The following SNX10 variants were observed in gnomAD, a reference collection of about 807,000 sequenced individuals.
SNX10 encodes sorting nexin 10.
SNX10 carries 25 observed loss-of-function variants against 28.5 expected under a neutral mutation model. The ratio of observed to expected loss-of-function variants is 0.88; its 90% confidence interval spans 0.64 to 1.22. SNX10 has a LOEUF of 1.22. Among genes scored for constraint, SNX10 ranks in the 50% most tolerant of loss-of-function variants. SNX10 has a pLI of 0.00. For synonymous variants in SNX10, 62 were observed against 81.4 expected, an observed-to-expected ratio of 0.76 and a Z score of 1.28; for missense variants, 223 against 242.6, an observed-to-expected ratio of 0.92 and a Z score of 0.54.
rs1168071267 is a variant in SNX10 at position 26,300,501 on chromosome 7, C to G, written c.-24+8415C>G. 3.9e-5 allele frequency among the ~76,000 whole-genome samples: 6 copies of G among 152,160 alleles called. 1 individual carries two copies. Among genetic ancestry groups the G allele is most frequent in the Admixed American group, 2.6e-4 (4 of 15,274 alleles). ...TGATTTGAAGTATTAACAGGGCCCT[C>G]CTGCCTAGAGCCTCCCAGCTGAACT... On this transcript the variant is annotated intron_variant, in intron 1 of 6. Transcript: ENST00000338523.
intron 1 of SNX10, among the ~76,000 whole-genome samples, chr7:26,322,190 T>G (rs545202751): frequency 1.3e-5 from 2 of 152,284 alleles, no homozygotes; most frequent in South Asian, 4.1e-4. Flanking sequence ...GATTCATACT[T>G]GAGAAGGGTT....
chr7:26,332,594 T>G (rs1015787061), intron 1 of SNX10, among the ~76,000 whole-genome samples: 6 of 152,318 alleles, frequency 3.9e-5, no homozygotes, highest in South Asian at 2.1e-4. Flanking sequence ...TACCTATTTT[T>G]TTGTTGTTGT....
intron 3 of SNX10, among the ~76,000 whole-genome samples, chr7:26,361,768 AAATG>A (rs1297943786): frequency 6.6e-6 from 1 of 152,254 alleles, no homozygotes; most frequent in Non-Finnish European, 1.5e-5. Context: ...GACAGTGCAT[AAATG>A]AATGAGCATA....
At chr7:26,299,840 T>C (rs79711632) in intron 1 of SNX10, among the ~76,000 whole-genome samples, 1 of 152,170 alleles carries the variant, frequency 6.6e-6, no homozygotes, top group African/African-American at 2.4e-5. Context: ...GGTGGGAGGA[T>C]TGCTTGAGCC....
At position 26,291,953 on chromosome 7, in the gene SNX10, C is replaced by A. The variant is rs1785935548; in HGVS notation, c.-157C>A. 1.3e-5 allele frequency: 2 copies of A among 150,308 alleles called. No homozygotes were observed. The highest frequency in any genetic ancestry group is 4.9e-5 in the African/African-American group (2 of 41,184). The allele number at this position is 150,308 out of a possible 1,614,324, so 9.3% of individuals were successfully genotyped here. ...GGGAGCGCGGGGAGCGCGGGGAGCG[C>A]GGGGCTGCGCTCGTGTGCGCTCCTG... On this transcript the variant is annotated 5_prime_UTR_variant, in exon 1 of 7. Coordinates refer to ENST00000338523, the MANE Select transcript of SNX10 (RefSeq NM_013322.3).
chr7:26,301,621 G>A (rs1786370033), intron 1 of SNX10, among the ~76,000 whole-genome samples: 1 of 152,160 alleles, frequency 6.6e-6, no homozygotes, highest in Non-Finnish European at 1.5e-5. Context: ...ATTTGGCATG[G>A]CATGTTTTAG....
chr7:26,302,541 C>G (rs10271591), intron 1 of SNX10, among the ~76,000 whole-genome samples: 1 of 152,190 alleles, frequency 6.6e-6, no homozygotes, highest in Non-Finnish European at 1.5e-5. Flanking sequence ...ACAGTACGCC[C>G]CAGCCTGGCC....
At chr7:26,293,088 A>G (rs1785986878) in intron 1 of SNX10, 1 of 152,288 alleles carries the variant, frequency 6.6e-6, no homozygotes, top group Non-Finnish European at 1.5e-5. Context: ...CTCCTCAGTG[A>G]GAGAATGGAG....
intron 1 of SNX10, among the ~76,000 whole-genome samples, chr7:26,338,214 T>C (rs1788015361): frequency 6.7e-6 from 1 of 148,272 alleles, no homozygotes; most frequent in Non-Finnish European, 1.5e-5. Context: ...CCTCCCTGGC[T>C]CAAGCAGCCC....
At position 26,291,891 on chromosome 7, in the gene SNX10, T is replaced by G. The variant is rs1036446946; in HGVS notation, c.-219T>G. The G allele has an allele frequency of 4.1e-5, 6 of 147,168 alleles. No homozygotes were observed. The highest frequency in any genetic ancestry group is 1.5e-4 in the African/African-American group (6 of 40,938). The allele number at this position is 147,168 out of a possible 1,614,324, so 9.1% of individuals were successfully genotyped here. A position where few individuals can be genotyped will look rare whatever the true frequency, so the allele number is the denominator to read the frequency against. Reference sequence around the variant, plus strand: ...GGCGCGGCGCCCACAGGCGGACGGCTGGCGCTGAGCGCGGGCGCGGGGCCG... The same window carrying G: ...GGCGCGGCGCCCACAGGCGGACGGCGGGCGCTGAGCGCGGGCGCGGGGCCG... On this transcript the variant is annotated 5_prime_UTR_variant, in exon 1 of 7. Coordinates refer to ENST00000338523, the MANE Select transcript of SNX10 (RefSeq NM_013322.3).
intron 2 of SNX10, among the ~76,000 whole-genome samples, chr7:26,355,218 C>T (rs1788772080): frequency 6.6e-6 from 1 of 152,152 alleles, no homozygotes; most frequent in South Asian, 2.1e-4. Context: ...TCTAGGACTC[C>T]ATTGTCTTGC....
At chr7:26,365,731 C>G (rs2128025142) in intron 5 of SNX10, among the ~76,000 whole-genome samples, 1 of 152,268 alleles carries the variant, frequency 6.6e-6, no homozygotes, top group South Asian at 2.1e-4. Context: ...TTTCCCTCCC[C>G]CAATCCACTC....
chr7:26,364,222 A>G lies in SNX10; in HGVS notation c.112-313A>G. On this transcript the variant is annotated intron_variant, in intron 3 of 6. Transcript: ENST00000338523. The surrounding 1 kb of genome is among the most constrained non-coding windows in gnomAD (Gnocchi z 4.9). Reference sequence around the variant, plus strand: ...TCCTACCTGTCATTTATATGTTAGGATTTATTTTTTATGATTTATTCTTGA... The same window carrying G: ...TCCTACCTGTCATTTATATGTTAGGGTTTATTTTTTATGATTTATTCTTGA... 1 of 587,684 alleles carries G rather than the reference A, an allele frequency of 1.7e-6. No individual in the cohort carries two copies. Among genetic ancestry groups the G allele is most frequent in the Non-Finnish European group, 2.2e-6 (1 of 455,282 alleles). The allele number at this position is 587,684 out of a possible 1,614,324, so 36.4% of individuals were successfully genotyped here.
intron 2 of SNX10, among the ~76,000 whole-genome samples, chr7:26,351,696 G>A (rs559774329): frequency 4.9e-5 from 6 of 121,370 alleles, no homozygotes; most frequent in African/African-American, 1.2e-4. Context: ...TCTCTCTGTC[G>A]CCCAGGCTGG....
At chr7:26,299,924 A>G (rs1487319849) in intron 1 of SNX10, among the ~76,000 whole-genome samples, 1 of 151,884 alleles carries the variant, frequency 6.6e-6, no homozygotes, top group Non-Finnish European at 1.5e-5. Context: ...TAAAAAGAAT[A>G]GAAAAGCCGG....
At chr7:26,316,222 G>A (rs559265748) in intron 1 of SNX10, among the ~76,000 whole-genome samples, 1 of 151,358 alleles carries the variant, frequency 6.6e-6, no homozygotes, top group African/African-American at 2.4e-5. Flanking sequence ...TAAAAAAAAT[G>A]GGATCTCATT....
Position 26,350,237 on chromosome 7 carries a change from A to G in SNX10, c.24+3771A>G, listed in dbSNP as rs573312136. On this transcript the variant is annotated intron_variant, in intron 2 of 6. Coordinates refer to ENST00000338523, the MANE Select transcript of SNX10 (RefSeq NM_013322.3). ...AACTCCAGTTATTGACACCTTAGCG[A>G]TGATATATCCATCACTTCTTTGGCA... Among the ~76,000 whole-genome samples the G allele has an allele frequency of 9.9e-5, 15 of 152,262 alleles. No individual in the cohort carries two copies. In the South Asian group the frequency reaches 2.5e-3, roughly 25 times the overall value.
chr7:26,323,901 G>GGTAA (rs1290339284), intron 1 of SNX10, among the ~76,000 whole-genome samples: 5 of 152,314 alleles, frequency 3.3e-5, no homozygotes, highest in Admixed American at 6.5e-5. Flanking sequence ...GCAAATCAGT[G>GGTAA]CTCCGTAAAT....
chr7:26,346,459 A>G lies in SNX10; in HGVS notation c.17A>G (p.Gln6Arg), dbSNP rs746225375. ...GTGCTGAAGATGTTTCCGGAACAAC[A>G]GAAAGAGGTATGTCATCACAAATCC... MFPEQQKEEFVSVWVR... is the reference protein window; with the variant it reads MFPEQRKEEFVSVWVR... Residue 6 changes from glutamine to arginine, a missense_variant, in exon 2 of 7, where the codon CAG (glutamine) becomes CGG (arginine). By Grantham distance (43) the Gln-to-Arg change is conservative (BLOSUM62 1). Transcript: ENST00000338523. 7 of 1,607,204 alleles carry G rather than the reference A, an allele frequency of 4.4e-6. No individual in the cohort carries two copies. In the South Asian group the frequency reaches 7.7e-5, roughly 18 times the overall value.
Sources: gnomAD v4.1 joint callset for allele counts (sites outside exome capture counted in the v4.1 genomes callset) on GRCh38, gnomAD v4.1.1 for gene constraint, Gnocchi (gnomAD v3.1) non-coding constraint, MANE v1.5 for transcripts, NCBI Gene and HGNC (gene_info 2026-07-23, HGNC 2026-07-21) for gene names.